JAKMIP2: variants seen among roughly 807,000 people sequenced by gnomAD.
JAKMIP2 encodes the protein janus kinase and microtubule interacting protein 2.
In JAKMIP2, 25 loss-of-function variants were observed where a neutral mutation model predicts 115.0. The ratio of observed to expected loss-of-function variants is 0.22; its 90% CI spans 0.16 to 0.30. The LOEUF (loss-of-function observed/expected upper bound fraction) is 0.30. Ranked by LOEUF, JAKMIP2 falls within the 10% of genes least tolerant of loss-of-function variation. The probability of loss-of-function intolerance (pLI) is 1.00; values close to 1 mark genes in which losing one functional copy is unlikely to be tolerated. For missense variants in JAKMIP2, 642 were observed against 957.6 expected (o/e 0.67, Z 4.35); for synonymous variants, 334 against 343.6 (o/e 0.97, Z 0.31).
chr5:147,759,496 A>G (rs1754857859), intron 1 of JAKMIP2, among the ~76,000 whole-genome samples: 1 of 152,072 alleles, frequency 6.6e-6, no homozygotes, highest in Admixed American at 6.6e-5. Context: ...GAACAAAGAG[A>G]GTGCTAGTGG....
chr5:147,641,351 T>C (rs1447945261), intron 8 of JAKMIP2, among the ~76,000 whole-genome samples: 1 of 152,208 alleles, frequency 6.6e-6, no homozygotes, highest in Non-Finnish European at 1.5e-5. Flanking sequence ...ATTGTCTGAA[T>C]GAATAATGAA....
At chr5:147,763,766 G>A (rs1009279577) in intron 1 of JAKMIP2, among the ~76,000 whole-genome samples, 11 of 152,004 alleles carry the variant, frequency 7.2e-5, no homozygotes, top group Admixed American at 3.3e-4. Context: ...TTTTATCTTC[G>A]GGAAGATACC....
chr5:147,598,094 G>A (rs1459340803), intron 21 of JAKMIP2, among the ~76,000 whole-genome samples: 2 of 151,708 alleles, frequency 1.3e-5, no homozygotes, highest in African/African-American at 4.9e-5. Flanking sequence ...CACCTCCCAG[G>A]TTCAAGCAAT....
At chr5:147,671,537 C>T (rs1759587888) in intron 2 of JAKMIP2, 141 bp downstream of exon 2, 3 of 538,668 alleles carry the variant, frequency 5.6e-6, no homozygotes, top group Non-Finnish European at 5.8e-6. Flanking sequence ...AATAAGCTCT[C>T]CATGTTTACA....
intron 1 of JAKMIP2, among the ~76,000 whole-genome samples, chr5:147,720,320 A>C (rs1382490229): frequency 6.6e-6 from 1 of 150,732 alleles, no homozygotes; most frequent in Non-Finnish European, 1.5e-5. Context: ...TCTGAAAATT[A>C]TGTGTCTTGG....
intron 7 of JAKMIP2, among the ~76,000 whole-genome samples, chr5:147,642,439 G>A (rs1757924193): frequency 1.3e-5 from 2 of 152,144 alleles, no homozygotes; most frequent in African/African-American, 4.8e-5. Context: ...TGTATTTACT[G>A]TAAAAATTTA....
intron 5 of JAKMIP2, 125 bp from the exon 6 acceptor site, chr5:147,645,121 A>G: frequency 1.3e-6 from 1 of 763,392 alleles, no homozygotes; most frequent in East Asian, 2.6e-5. Flanking sequence ...GTGGCTGAGG[A>G]CTGACCACTG....
chr5:147,599,946 T>G (rs1180015355), intron 21 of JAKMIP2, among the ~76,000 whole-genome samples: 1 of 152,188 alleles, frequency 6.6e-6, no homozygotes, highest in African/African-American at 2.4e-5. Flanking sequence ...ATAATCAGCT[T>G]TGGCCAGCAT....
rs1198425081 is a variant in JAKMIP2, at chr5:147,625,817, A to G, written c.1996-2128T>C. ...CACTAACAGCCAAGACTTCACCACT[A>G]CACCATGTATCCATGTAATAAAAGT... On this transcript the variant is annotated intron_variant, in intron 16 of 21. Coordinates refer to ENST00000616793, the MANE Select transcript of JAKMIP2 (RefSeq NM_001270941.2). Among the ~76,000 whole-genome samples, 6 of 152,210 alleles carry G rather than the reference A, an allele frequency of 3.9e-5. No homozygotes were observed. The East Asian group carries it at 7.7e-4, about 20-fold the overall frequency.
At chr5:147,721,575 G>A (rs1429590541) in intron 1 of JAKMIP2, among the ~76,000 whole-genome samples, 3 of 152,214 alleles carry the variant, frequency 2.0e-5, no homozygotes, top group Non-Finnish European at 4.4e-5. Flanking sequence ...AAGCCCGTCG[G>A]AAAAGCGCAG....
Position 147,661,105 on chromosome 5 carries a change from G to T in JAKMIP2, c.470C>A (p.Ala157Glu). 7 of 1,613,924 alleles carry T rather than the reference G, an allele frequency of 4.3e-6. No homozygotes were observed. The highest frequency in any genetic ancestry group is 1.1e-5 in the South Asian group (1 of 91,050). The change falls in exon 3 of 22, where the codon GCG becomes GAG. Residue 157 changes from alanine (A) to glutamate (E), a missense_variant. Around this residue, in one of 6 missense-constraint regions of JAKMIP2, gnomAD observed 439 missense variants for 570.9 expected, o/e 0.77. Transcript: ENST00000616793. ...CTGCTTCTTGGCCGTTTTCAGGTCC[G>T]CAATTTCCTGTAAGAGCTTAAGGCG... is the stretch of plus-strand genomic sequence containing the variant. ...TERLKLLQEI[A>E]DLKTAKKQVD...
At chr5:147,613,012 G>A (rs1756405751) in intron 19 of JAKMIP2, among the ~76,000 whole-genome samples, 1 of 152,082 alleles carries the variant, frequency 6.6e-6, no homozygotes, top group Admixed American at 6.5e-5. Context: ...ATTCCCAGGA[G>A]GGAACTGGTA....
intron 1 of JAKMIP2, among the ~76,000 whole-genome samples, chr5:147,713,683 C>G (rs1752864400): frequency 6.6e-6 from 1 of 152,088 alleles, no homozygotes; most frequent in Admixed American, 6.6e-5. Flanking sequence ...AGACCACAGC[C>G]AAGAACATAG....
chr5:147,600,505 G>A (rs569243288), intron 21 of JAKMIP2, among the ~76,000 whole-genome samples: 5 of 152,158 alleles, frequency 3.3e-5, no homozygotes, highest in Admixed American at 2.0e-4. Context: ...ATCACCTGAG[G>A]TCCAGGAAAG....
intron 21 of JAKMIP2, among the ~76,000 whole-genome samples, chr5:147,597,776 A>G (rs780305876): frequency 6.6e-6 from 1 of 152,154 alleles, no homozygotes; most frequent in Non-Finnish European, 1.5e-5. Flanking sequence ...TGTGTCTCCC[A>G]CAAAGCGTGT....
chr5:147,675,447 T>C (rs1759887007), intron 1 of JAKMIP2, among the ~76,000 whole-genome samples: 1 of 152,004 alleles, frequency 6.6e-6, no homozygotes, highest in Non-Finnish European at 1.5e-5. Context: ...CTAATTTTAC[T>C]GCATCTCTTT....
intron 1 of JAKMIP2, among the ~76,000 whole-genome samples, chr5:147,693,607 G>A (rs55708470): frequency 0.014 from 2,193 of 151,952 alleles, 61 homozygotes; most frequent in African/African-American, 0.051. Flanking sequence ...AAACATAAAT[G>A]TTTTAATTTG....
In JAKMIP2 at chr5:147,588,892, G is replaced by C. The variant is rs1014712841; in HGVS notation, c.*2815C>G. ...ATTTTGACTTACAAATTTCTTGGTG[G>C]GTGGGAAAGCAAAATTAAGAGAAGG... On this transcript the variant is annotated 3_prime_UTR_variant, in exon 22 of 22. Transcript: ENST00000616793. The C allele has an allele frequency of 1.3e-5, 2 of 151,962 alleles. No individual in the cohort carries two copies. The highest frequency in any genetic ancestry group is 2.9e-5 in the Non-Finnish European group (2 of 67,992). 9.4% of individuals were successfully genotyped at this position (151,962 alleles called of 1,614,324 possible). A position where few individuals can be genotyped will look rare whatever the true frequency, so the allele number is the denominator to read the frequency against.
intron 1 of JAKMIP2, among the ~76,000 whole-genome samples, chr5:147,732,376 C>T (rs1753766107): frequency 1.3e-5 from 2 of 152,150 alleles, no homozygotes; most frequent in Non-Finnish European, 2.9e-5. Flanking sequence ...GCCCTTCCCC[C>T]ATCTTGCTGG....
Sources: gnomAD v4.1 joint callset for allele counts (sites outside exome capture counted in the v4.1 genomes callset) on GRCh38, gnomAD v4.1.1 for gene constraint, gnomAD v4.1.1 regional missense constraint, MANE v1.5 for transcripts, NCBI Gene and HGNC (gene_info 2026-07-23, HGNC 2026-07-21) for gene names.